SEMA5A: variants seen among roughly 807,000 people sequenced by gnomAD.
The protein encoded by SEMA5A is semaphorin-5A.
Under a neutral mutation model 135.5 loss-of-function variants are expected in SEMA5A, and 55 were observed. The ratio of observed to expected loss-of-function variants is 0.41; its 90% CI spans 0.33 to 0.51. SEMA5A has a LOEUF of 0.51. SEMA5A is among the 20% of genes least tolerant of loss of function. SEMA5A has a pLI of 0.37. For synonymous variants in SEMA5A, 580 were observed against 546.5 expected (o/e 1.06, Z -0.85); for missense variants, 1,290 against 1,419.9 (o/e 0.91, Z 1.47).
intron 11 of SEMA5A, among the ~76,000 whole-genome samples, chr5:9,166,307 A>G (rs1743604915): frequency 6.6e-6 from 1 of 152,050 alleles, no homozygotes; most frequent in African/African-American, 2.4e-5. Context: ...CCTCTGGGGC[A>G]CAACAGCCCA....
At chr5:9,501,391 G>C (rs13186055) in intron 1 of SEMA5A, among the ~76,000 whole-genome samples, 3,281 of 152,252 alleles carry the variant, frequency 0.022, 56 homozygotes, top group Non-Finnish European at 0.032. Context: ...CTACGTGTGT[G>C]TGTATTTGTG....
intron 1 of SEMA5A, among the ~76,000 whole-genome samples, chr5:9,440,405 C>T (rs1016973805): frequency 1.3e-5 from 2 of 152,212 alleles, no homozygotes; most frequent in African/African-American, 4.8e-5. Context: ...TTTTTATAAA[C>T]ATATAAATTT....
intron 16 of SEMA5A, among the ~76,000 whole-genome samples, chr5:9,100,116 C>A (rs940087622): frequency 6.6e-6 from 1 of 152,190 alleles, no homozygotes; most frequent in Non-Finnish European, 1.5e-5. Context: ...CATGGCTATG[C>A]GATGACTGGG....
chr5:9,172,595 T>C (rs902036327), intron 11 of SEMA5A, among the ~76,000 whole-genome samples: 1 of 152,198 alleles, frequency 6.6e-6, no homozygotes. Context: ...ATTTTTATCA[T>C]TGTCACAAAC....
intron 2 of SEMA5A, among the ~76,000 whole-genome samples, chr5:9,384,669 GATAGAT>G (rs775290908): frequency 0.011 from 1,150 of 106,266 alleles, 52 homozygotes; most frequent in Non-Finnish European, 0.013. Flanking sequence ...GATATAGATA[GATAGAT>G]ATAGATAGAT....
intron 15 of SEMA5A, among the ~76,000 whole-genome samples, chr5:9,116,051 G>T (rs1433250939): frequency 6.6e-6 from 1 of 152,146 alleles, no homozygotes. Context: ...CAGTTTGACA[G>T]CCCACAAAGA....
intron 2 of SEMA5A, among the ~76,000 whole-genome samples, chr5:9,430,318 G>C (rs1338326674): frequency 6.6e-6 from 1 of 152,224 alleles, no homozygotes; most frequent in Non-Finnish European, 1.5e-5. Flanking sequence ...TAGACATCCA[G>C]TTGTGAGGTT....
intron 16 of SEMA5A, among the ~76,000 whole-genome samples, chr5:9,103,636 C>T (rs1739747345): frequency 6.6e-6 from 1 of 152,112 alleles, no homozygotes; most frequent in Admixed American, 6.6e-5. Context: ...TATAGTGCTG[C>T]CAAATACTAA....
intron 9 of SEMA5A, among the ~76,000 whole-genome samples, chr5:9,199,383 C>T (rs929137346): frequency 5.3e-5 from 8 of 152,174 alleles, no homozygotes; most frequent in South Asian, 2.1e-4. Flanking sequence ...GGGCAAAGGA[C>T]GGGCCTGTGT....
At chr5:9,503,203 G>T (rs183511340) in intron 1 of SEMA5A, among the ~76,000 whole-genome samples, 1 of 152,164 alleles carries the variant, frequency 6.6e-6, no homozygotes, top group Non-Finnish European at 1.5e-5. Flanking sequence ...GACTAGGTAC[G>T]CATAAGAGGG....
chr5:9,124,377 C>T (rs1036978260), intron 13 of SEMA5A, among the ~76,000 whole-genome samples: 4 of 152,262 alleles, frequency 2.6e-5, no homozygotes, highest in East Asian at 1.9e-4. Flanking sequence ...CACAGCCTTA[C>T]ATCACATGCC....
intron 11 of SEMA5A, among the ~76,000 whole-genome samples, chr5:9,154,985 G>T (rs1335529456): frequency 6.6e-6 from 1 of 152,160 alleles, no homozygotes; most frequent in African/African-American, 2.4e-5. Context: ...GGGATGGAGA[G>T]CTCAAAGTAG....
intron 16 of SEMA5A, among the ~76,000 whole-genome samples, chr5:9,072,461 T>TA (rs1187695093): frequency 6.6e-6 from 1 of 152,122 alleles, no homozygotes; most frequent in East Asian, 1.9e-4. Flanking sequence ...GGTTTTGACT[T>TA]AAAAAATCAG....
intron 12 of SEMA5A, among the ~76,000 whole-genome samples, chr5:9,141,385 A>G (rs1157420029): frequency 6.6e-6 from 1 of 152,224 alleles, no homozygotes; most frequent in Non-Finnish European, 1.5e-5. Flanking sequence ...AACATATGTC[A>G]TAGCATCATT....
chr5:9,182,331 T>C (rs114692123), intron 11 of SEMA5A, among the ~76,000 whole-genome samples: 2,917 of 152,150 alleles, frequency 0.019, 102 homozygotes, highest in African/African-American at 0.067. Flanking sequence ...ATTGCACCCA[T>C]TCTCTCACTC....
chr5:9,292,011 C>A (rs72727235), intron 5 of SEMA5A, among the ~76,000 whole-genome samples: 1 of 152,098 alleles, frequency 6.6e-6, no homozygotes, highest in Non-Finnish European at 1.5e-5. Flanking sequence ...TGCGGTGAGG[C>A]TGCAGCCCTA....
At chr5:9,449,368 G>A (rs972397203) in intron 1 of SEMA5A, among the ~76,000 whole-genome samples, 8 of 152,072 alleles carry the variant, frequency 5.3e-5, no homozygotes, top group Admixed American at 2.6e-4. Flanking sequence ...GCTGAACAAT[G>A]AGAATGCATG....
intron 11 of SEMA5A, among the ~76,000 whole-genome samples, chr5:9,183,996 G>A (rs1166637621): frequency 6.6e-6 from 1 of 152,018 alleles, no homozygotes; most frequent in Non-Finnish European, 1.5e-5. Flanking sequence ...CCCTATTTTG[G>A]TTTTACTTTC....
At chr5:9,123,147 A>G (rs1156536522) in intron 13 of SEMA5A, among the ~76,000 whole-genome samples, 2 of 150,670 alleles carry the variant, frequency 1.3e-5, no homozygotes, top group Admixed American at 6.6e-5. Context: ...CCAGCTACTC[A>G]GGAGGCTGAG....
Sources: gnomAD v4.1 joint callset for allele counts (sites outside exome capture counted in the v4.1 genomes callset) on GRCh38, gnomAD v4.1.1 for gene constraint, MANE v1.5 for transcripts, NCBI Gene and HGNC (gene_info 2026-07-23, HGNC 2026-07-21) for gene names.